TTR: variants seen among roughly 807,000 people sequenced by gnomAD.
TTR encodes the protein transthyretin.
A neutral mutation model predicts 13.7 loss-of-function variants in TTR; 8 were observed. That is an observed-to-expected ratio of 0.58 (90% CI 0.34 to 1.05). The LOEUF (loss-of-function observed/expected upper bound fraction) is 1.05, where lower values mean the gene tolerates loss of function less well. Ranked by LOEUF, TTR falls within the 50% of genes least tolerant of loss-of-function variation. The probability of loss-of-function intolerance (pLI) is 0.02; values close to 1 mark genes in which losing one functional copy is unlikely to be tolerated. For missense variants in TTR, 135 were observed against 185.5 expected, an observed-to-expected ratio of 0.73 and a Z score of 1.58; for synonymous variants, 75 against 71.7, an observed-to-expected ratio of 1.05 and a Z score of -0.23.
rs121918074 is a variant in TTR at position 31,595,247 on chromosome 18, C to A, written c.328C>A (p.His110Asn). 585 of 1,614,042 alleles carry A rather than the reference C, an allele frequency of 3.6e-4. 3 individuals are homozygous for A. In the Middle Eastern group the frequency reaches 5.8e-3, roughly 16 times the overall value. ...KALGISPFHEHAEVVFTANDS... is the reference protein window; with the variant it reads ...KALGISPFHENAEVVFTANDS... ...ACTTGGCATCTCCCCATTCCATGAG[C>A]ATGCAGAGGTGAGTATACAGACCTT... is the stretch of plus-strand genomic sequence containing the variant. The change falls in exon 3 of 4, where the codon CAT becomes AAT. Residue 110 changes from histidine to asparagine, a missense_variant. Physicochemically the swap from His to Asn is moderately conservative, Grantham distance 68. Coordinates refer to ENST00000237014, the MANE Select transcript of TTR (RefSeq NM_000371.4).
intron 3 of TTR, chr18:31,598,342 G>A (rs559951242): frequency 4.6e-6 from 3 of 653,668 alleles, no homozygotes; most frequent in South Asian, 3.2e-5. Flanking sequence ...GCGTGAATTT[G>A]CAAAACAAGA....
intron 2 of TTR, 78 bp downstream of exon 2, chr18:31,593,104 C>A: frequency 6.3e-7 from 1 of 1,596,976 alleles, no homozygotes; most frequent in Non-Finnish European, 8.6e-7. Flanking sequence ...GAGAGGCTCA[C>A]ATCATCTGCT....
intron 3 of TTR, among the ~76,000 whole-genome samples, chr18:31,596,567 C>G (rs2073517619): frequency 6.6e-6 from 1 of 151,934 alleles, no homozygotes; most frequent in Non-Finnish European, 1.5e-5. Flanking sequence ...CTGATGGGAA[C>G]CATATAAAAA....
chr18:31,591,991 C>T lies in TTR; in HGVS notation c.69+20C>T, dbSNP rs1160769707. ...CCTACGGTGAGTGTTTCTGTGACAT[C>T]CCATTCCTACATTTAAGATTCACGC... On this transcript the variant is annotated intron_variant, in intron 1 of 3. Coordinates refer to ENST00000237014, the MANE Select transcript of TTR (RefSeq NM_000371.4). 2 of 1,613,256 alleles carry T rather than the reference C, an allele frequency of 1.2e-6. No individual in the cohort carries two copies. The highest frequency in any genetic ancestry group is 1.7e-6 in the Non-Finnish European group (2 of 1,179,244).
chr18:31,592,053 A>G, intron 1 of TTR, 82 bp downstream of exon 1: 1 of 1,462,290 alleles, frequency 6.8e-7, no homozygotes, highest in Non-Finnish European at 9.6e-7. Flanking sequence ...AGCTTTGCCA[A>G]CCAGCTTTTA....
intron 3 of TTR, among the ~76,000 whole-genome samples, chr18:31,596,879 T>C (rs2073519487): frequency 6.6e-6 from 1 of 152,080 alleles, no homozygotes; most frequent in South Asian, 2.1e-4. Context: ...ATGCCTCACT[T>C]TGGTGACGGG....
intron 2 of TTR, chr18:31,593,444 T>C (rs572266446): frequency 4.0e-6 from 1 of 248,956 alleles, no homozygotes; most frequent in Non-Finnish European, 7.9e-6. Flanking sequence ...CAAAGCTAAG[T>C]GTCCTTGTCT....
chr18:31,595,035 T>C, intron 2 of TTR, 85 bp from the exon 3 acceptor site: 1 of 1,392,328 alleles, frequency 7.2e-7, no homozygotes. Context: ...CATGTTTATG[T>C]GTGTTAGTTG....
intron 3 of TTR, chr18:31,596,095 G>A: frequency 6.5e-6 from 1 of 155,028 alleles, no homozygotes; most frequent in Middle Eastern, 5.2e-4. Flanking sequence ...TCTTCAAACA[G>A]TTATACATGG....
At chr18:31,595,293 G>GT (rs773248257) in intron 3 of TTR, 38 bp downstream of exon 3, 2 of 1,613,936 alleles carry the variant, frequency 1.2e-6, no homozygotes, top group South Asian at 2.2e-5. Flanking sequence ...TTTGGTTTTG[G>GT]TTTTTGCTTT....
chr18:31,598,735 A>C lies in TTR; in HGVS notation c.*60A>C. ...GATGGGATTTCATGTAACCAAGAGT[A>C]TTCCATTTTTACTAAAGCAGTGTTT... is the stretch of plus-strand genomic sequence containing the variant. On this transcript the variant is annotated 3_prime_UTR_variant, in exon 4 of 4. Coordinates refer to ENST00000237014, the MANE Select transcript of TTR (RefSeq NM_000371.4). 6.4e-7 allele frequency: 1 copy of C among 1,563,068 alleles called. No individual in the cohort carries two copies. Among genetic ancestry groups the C allele is most frequent in the Non-Finnish European group, 8.8e-7 (1 of 1,135,908 alleles).
intron 2 of TTR, chr18:31,593,227 T>G (rs1265495047): frequency 3.3e-6 from 2 of 611,950 alleles, no homozygotes; most frequent in Non-Finnish European, 5.5e-6. Flanking sequence ...TGAGCATCAT[T>G]TAGGGGCAGA....
intron 2 of TTR, 100 bp from the exon 3 acceptor site, chr18:31,595,014 CATGTTT>C (rs2073509349): frequency 4.0e-6 from 5 of 1,257,624 alleles, no homozygotes; most frequent in Non-Finnish European, 5.7e-6. Flanking sequence ...ATGTTCATAA[CATGTTT>C]ATAACATGTT....
chr18:31,593,798 A>G (rs2073500114), intron 2 of TTR, among the ~76,000 whole-genome samples: 1 of 152,220 alleles, frequency 6.6e-6, no homozygotes, highest in African/African-American at 2.4e-5. Flanking sequence ...AACTTCAAGG[A>G]AAATACATAT....
chr18:31,594,679 C>T (rs765928766), intron 2 of TTR, among the ~76,000 whole-genome samples: 1 of 152,116 alleles, frequency 6.6e-6, no homozygotes, highest in Non-Finnish European at 1.5e-5. Flanking sequence ...GCCTGGCCAA[C>T]ATGGCAAAAC....
At chr18:31,598,050 C>G (rs1030208212) in intron 3 of TTR, 1 of 216,220 alleles carries the variant, frequency 4.6e-6, no homozygotes, top group African/African-American at 2.3e-5. Flanking sequence ...GGCTTGGAGA[C>G]AGGAGACTTG....
chr18:31,592,904 T>C lies in TTR; in HGVS notation c.78T>C (p.Gly26=), dbSNP rs779457244. The C allele has an allele frequency of 3.1e-6, 5 of 1,613,900 alleles. No homozygotes were observed. Among genetic ancestry groups the C allele is most frequent in the African/African-American group, 2.7e-5 (2 of 74,932 alleles). ...GTCTTCTCTACACCCAGGGCACCGG[T>C]GAATCCAAGTGTCCTCTGATGGTCA... ...FVSEAGPTGT[G]ESKCPLMVKV... The change falls in exon 2 of 4, where the codon GGT becomes GGC. Residue 26 remains glycine, a synonymous_variant. Transcript: ENST00000237014.
intron 3 of TTR, 90 bp downstream of exon 3, chr18:31,595,345 G>A (rs1450161072): frequency 2.6e-6 from 4 of 1,560,344 alleles, no homozygotes; most frequent in Non-Finnish European, 3.5e-6. Flanking sequence ...GTGTACCACA[G>A]AAATGTCCTA....
chr18:31,597,458 G>A (rs1363892761), intron 3 of TTR, among the ~76,000 whole-genome samples: 1 of 152,142 alleles, frequency 6.6e-6, no homozygotes, highest in Non-Finnish European at 1.5e-5. Context: ...TTGATTCTAG[G>A]GAATTGGCCT....
Sources: allele counts gnomAD v4.1 joint callset (sites outside exome capture counted in the v4.1 genomes callset), GRCh38; gene constraint gnomAD v4.1.1; transcripts MANE v1.5; gene names NCBI Gene and HGNC (gene_info 2026-07-23, HGNC 2026-07-21).